DLG5: variants seen among roughly 807,000 people sequenced by gnomAD.
DLG5 encodes the protein disks large homolog 5.
A neutral mutation model predicts 189.8 loss-of-function variants in DLG5; 48 were observed. That is an observed-to-expected ratio of 0.25 (90% confidence interval 0.20 to 0.32). DLG5 has a LOEUF of 0.32. Ranked by LOEUF, DLG5 falls within the 10% of genes least tolerant of loss-of-function variation. DLG5 has a pLI of 1.00. For missense variants in DLG5, 2,160 were observed against 2,544.7 expected, an observed-to-expected ratio of 0.85 and a Z score of 3.25; for synonymous variants, 1,016 against 1,054.1, an observed-to-expected ratio of 0.96 and a Z score of 0.70.
At chr10:77,937,975 C>T in the DLG5 span, among the ~76,000 whole-genome samples, 1 of 150,788 alleles carries the variant, frequency 6.6e-6, no homozygotes, top group Non-Finnish European at 1.5e-5. Context: ...ACCTCAGCCT[C>T]CCGAAGTGCT....
At chr10:77,867,069 A>C (rs747881285) in intron 2 of DLG5, 8 of 456,854 alleles carry the variant, frequency 1.8e-5, no homozygotes, top group South Asian at 1.2e-4. Context: ...GCACAGAGAT[A>C]CTGTTGACGG....
At chr10:77,817,139 A>T (rs377652569) in intron 18 of DLG5, 43 bp from the exon 19 acceptor site, 48 of 1,547,030 alleles carry the variant, frequency 3.1e-5, no homozygotes, top group Admixed American at 5.0e-5. Context: ...CTCATGGTTA[A>T]ACACCACCCT....
At chr10:77,818,129 C>T (rs975730380) in intron 17 of DLG5, among the ~76,000 whole-genome samples, 4 of 152,124 alleles carry the variant, frequency 2.6e-5, no homozygotes, top group Non-Finnish European at 5.9e-5. Context: ...CATACCCACT[C>T]CAGCCATAGG....
upstream of DLG5, among the ~76,000 whole-genome samples, chr10:77,930,574 C>A (rs1280040537): frequency 3.3e-5 from 5 of 151,796 alleles, no homozygotes; most frequent in East Asian, 9.8e-4. Context: ...GTCTCGAACT[C>A]CTGACCTCAG....
chr10:77,867,982 A>ATG (rs1844752126), intron 2 of DLG5: 2 of 456,608 alleles, frequency 4.4e-6, no homozygotes, highest in African/African-American at 4.0e-5. Flanking sequence ...AAAGGCAGAG[A>ATG]TCAGTGTGAT....
chr10:77,840,139 A>G (rs531354331), intron 7 of DLG5, among the ~76,000 whole-genome samples: 1 of 152,294 alleles, frequency 6.6e-6, no homozygotes, highest in East Asian at 1.9e-4. Flanking sequence ...GCACTTTGGG[A>G]GGCTGAGGCA....
intron 3 of DLG5, among the ~76,000 whole-genome samples, chr10:77,855,612 G>A (rs11812504): frequency 0.029 from 4,406 of 152,330 alleles, 216 homozygotes; most frequent in African/African-American, 0.099. Flanking sequence ...CAGTGGGCCC[G>A]TGGGCCATAG....
At chr10:77,870,770 G>T (rs1438598794) in intron 1 of DLG5, among the ~76,000 whole-genome samples, 1 of 151,952 alleles carries the variant, frequency 6.6e-6, no homozygotes, top group Non-Finnish European at 1.5e-5. Flanking sequence ...GAGGAGAAAT[G>T]AAGAAATGGG....
At chr10:77,906,936 C>T (rs1846087038) in intron 1 of DLG5, among the ~76,000 whole-genome samples, 1 of 152,048 alleles carries the variant, frequency 6.6e-6, no homozygotes, top group Non-Finnish European at 1.5e-5. Context: ...CAGAGCTCCA[C>T]TTTTTTATTT....
Position 77,819,409 on chromosome 10 carries a change from G to A in DLG5, c.3583C>T (p.Pro1195Ser), listed in dbSNP as rs1218700637. ...STTVSSILRN[P>S]IYTVRSHRVG... ...CTGTGACTGCGCACAGTGTAGATGG[G>A]GTTCCGCAGGATGGAGCTCACAGTG... Residue 1195 changes from proline to serine, a missense_variant, in exon 17 of 32, where the codon CCC (proline) becomes TCC (serine). Around this residue, in one of 5 missense-constraint regions of DLG5, gnomAD observed 754 missense variants for 746.5 expected, o/e 1.01. Transcript: ENST00000372391. 15 of 1,613,704 alleles carry A rather than the reference G, an allele frequency of 9.3e-6. No individual in the cohort carries two copies. Among genetic ancestry groups the A allele is most frequent in the Non-Finnish European group, 1.3e-5 (15 of 1,179,964 alleles).
At chr10:77,892,156 T>G (rs911904479) in intron 1 of DLG5, among the ~76,000 whole-genome samples, 1 of 152,176 alleles carries the variant, frequency 6.6e-6, no homozygotes, top group Non-Finnish European at 1.5e-5. Flanking sequence ...ATGCCCCAGC[T>G]AATGGAATCG....
At chr10:77,820,341 A>AT in intron 15 of DLG5, 2 of 137,424 alleles carry the variant, frequency 1.5e-5, no homozygotes, top group Non-Finnish European at 2.8e-5. Context: ...GTGAGACTCC[A>AT]TCTTAGGGGA....
the DLG5 span, among the ~76,000 whole-genome samples, chr10:77,931,948 C>T: frequency 6.6e-6 from 1 of 152,204 alleles, no homozygotes; most frequent in African/African-American, 2.4e-5. Context: ...TTATACAAAG[C>T]CCTCCACAAT....
intron 5 of DLG5, among the ~76,000 whole-genome samples, chr10:77,850,754 T>A (rs1843930355): frequency 6.6e-6 from 1 of 152,218 alleles, no homozygotes; most frequent in African/African-American, 2.4e-5. Flanking sequence ...GAGCGCCTCA[T>A]ACACACGGGC....
intron 2 of DLG5, among the ~76,000 whole-genome samples, chr10:77,857,112 A>G (rs1844273070): frequency 3.9e-5 from 6 of 152,092 alleles, no homozygotes; most frequent in Admixed American, 3.9e-4. Context: ...AGCACTCAAC[A>G]ACCCCCAGTA....
chr10:77,890,589 T>C (rs937611824), intron 1 of DLG5, among the ~76,000 whole-genome samples: 1 of 152,132 alleles, frequency 6.6e-6, no homozygotes, highest in Admixed American at 6.5e-5. Flanking sequence ...GGCCGAGGCA[T>C]GCAGATCACC....
At position 77,926,172 on chromosome 10, in the gene DLG5, C is replaced by T. The variant is rs977352707; in HGVS notation, c.304+45G>A. ...ACCCTCGGCCAGCAGGAGGGAGAAG[C>T]GGAGGGCGCGTCCCAGAGGCGGGGG... is the stretch of plus-strand genomic sequence containing the variant. On this transcript the variant is annotated intron_variant, in intron 1 of 31. Transcript: ENST00000372391. The surrounding 1 kb of genome is among the most constrained non-coding windows in gnomAD (Gnocchi z 5.2). The T allele has an allele frequency of 6.0e-6, 8 of 1,328,348 alleles. No individual in the cohort carries two copies. The African/African-American group carries it at 6.1e-5, about 10-fold the overall frequency. 82.3% of individuals were successfully genotyped at this position (1,328,348 alleles called of 1,614,324 possible).
In DLG5 at chr10:77,838,929, G is replaced by A. The variant is rs1247461865; in HGVS notation, c.1437+2952C>T. Among the ~76,000 whole-genome samples, 4 of 152,354 alleles carry A rather than the reference G, an allele frequency of 2.6e-5. No homozygotes were observed. In the South Asian group the frequency reaches 6.2e-4, roughly 24 times the overall value. On this transcript the variant is annotated intron_variant, in intron 7 of 31. Transcript: ENST00000372391. ...CAGAGCTGATGGGGCAGCCGCGGGG[G>A]CTCTCTCCTGCCTGCTGACTCGGAA...
rs769398237 is a variant in DLG5, at chr10:77,819,953, C to T, written c.3468G>A (p.Ser1156=). 76 of 1,611,198 alleles carry T rather than the reference C, an allele frequency of 4.7e-5. 1 individual carries two copies. The South Asian group carries it at 7.3e-4, about 15-fold the overall frequency. Residue 1156 remains serine, a synonymous_variant, in exon 16 of 32, where the codon TCG becomes TCA. Transcript: ENST00000372391. ...SPELQEWAPY[S]PGHSSRHSNP... is the part of the protein sequence containing the mutation. ...TGCTGTGCCGGCTGGAATGCCCAGG[C>T]GAGTAAGGTGCCCACTCCTGGAGCT...
Sources: allele counts gnomAD v4.1 joint callset (sites outside exome capture counted in the v4.1 genomes callset), GRCh38; gene constraint gnomAD v4.1.1; regional missense constraint gnomAD v4.1.1; non-coding constraint Gnocchi (gnomAD v3.1); transcripts MANE v1.5; gene names NCBI Gene and HGNC (gene_info 2026-07-23, HGNC 2026-07-21).